The following ZNF185 variants were observed in gnomAD, a reference collection of about 807,000 sequenced individuals.
ZNF185 encodes the protein zinc finger protein 185.
ZNF185 carries 56 observed loss-of-function variants against 58.6 expected under a neutral mutation model. The ratio of observed to expected loss-of-function variants is 0.95; its 90% CI spans 0.77 to 1.19. The LOEUF is 1.19. Ranked by LOEUF, ZNF185 falls within the 50% of genes most tolerant of loss-of-function variation. The pLI, the probability that ZNF185 is intolerant of heterozygous loss-of-function variation, is 0.00. For missense variants in ZNF185, 627 were observed against 573.5 expected (o/e 1.09, Z -0.95); for synonymous variants, 230 against 215.9 (o/e 1.07, Z -0.57).
At chrX:152,918,440 C>T (rs782463958) in intron 6 of ZNF185, among the ~76,000 whole-genome samples, 7 of 113,064 alleles carry the variant, frequency 6.2e-5, no homozygotes, top group Admixed American at 5.6e-4. Flanking sequence ...GGTCATGGGT[C>T]GTGAGGCTGC....
At chrX:152,932,888 G>T in exon 14 of ZNF185, 1 of 1,204,200 alleles carries the variant, frequency 8.3e-7, no homozygotes, top group Admixed American at 2.2e-5. Flanking sequence ...GTGCACAGTT[G>T]AGTGATGGCA....
intron 17 of ZNF185, among the ~76,000 whole-genome samples, chrX:152,960,978 TG>T (rs1406296250): frequency 1.8e-5 from 2 of 112,541 alleles, no homozygotes; most frequent in Non-Finnish European, 3.8e-5. Flanking sequence ...GCTCTTGCAC[TG>T]GCAGGACATG....
At chrX:152,953,594 G>A (rs371407841) in intron 16 of ZNF185, among the ~76,000 whole-genome samples, 78 of 111,417 alleles carry the variant, frequency 7.0e-4, no homozygotes, top group African/African-American at 2.5e-3. Flanking sequence ...CTACCTGGGA[G>A]GCTGAAGTAG....
chrX:152,909,061 C>T, the ZNF185 span, among the ~76,000 whole-genome samples: 14,341 of 112,537 alleles, frequency 0.13, 751 homozygotes, highest in African/African-American at 0.2. Flanking sequence ...TTGCTGGGAC[C>T]TGGGTGCAGC....
chrX:152,913,544 G>A (rs1937672814), upstream of ZNF185, among the ~76,000 whole-genome samples: 2 of 112,790 alleles, frequency 1.8e-5, no homozygotes, highest in Admixed American at 9.3e-5. Flanking sequence ...AGAAGACACA[G>A]AGGAAGAGGA....
intron 2 of ZNF185, 146 bp from the exon 4 acceptor site, chrX:152,914,992 G>C: frequency 1.0e-6 from 1 of 986,883 alleles, no homozygotes; most frequent in Non-Finnish European, 1.4e-6. Flanking sequence ...CAATGTCACA[G>C]GGTGGGAGAG....
intron 16 of ZNF185, among the ~76,000 whole-genome samples, chrX:152,959,026 C>A (rs558996655): frequency 3.1e-4 from 35 of 112,565 alleles, no homozygotes; most frequent in African/African-American, 1.1e-3. Context: ...CGAGATCGAC[C>A]GTGGAGAGGC....
intron 17 of ZNF185, among the ~76,000 whole-genome samples, chrX:152,962,910 G>A (rs1254417030): frequency 8.8e-6 from 1 of 113,028 alleles, no homozygotes; most frequent in African/African-American, 3.2e-5. Flanking sequence ...TGTAATCTTA[G>A]GCATTGGATT....
chrX:152,931,705 C>T (rs1942013356), exon 13 of ZNF185: 1 of 1,210,783 alleles, frequency 8.3e-7, no homozygotes, highest in East Asian at 3.0e-5. Context: ...AGGAGGCCCC[C>T]TGCTCCAGAG....
intron 3 of ZNF185, 22 bp from the exon 5 acceptor site, chrX:152,917,109 C>T: frequency 8.3e-7 from 1 of 1,211,532 alleles, no homozygotes; most frequent in Non-Finnish European, 1.1e-6. Flanking sequence ...CGCTTCACTC[C>T]ACCCCTTCTT....
intron 15 of ZNF185, among the ~76,000 whole-genome samples, chrX:152,943,713 C>A (rs1364381259): frequency 8.8e-6 from 1 of 113,006 alleles, no homozygotes; most frequent in East Asian, 2.8e-4. Context: ...GCCCAAATTT[C>A]TCTTTGTGGA....
intron 19 of ZNF185, 62 bp downstream of exon 21, chrX:152,965,589 C>G (rs2050026991): frequency 1.0e-6 from 1 of 970,983 alleles, no homozygotes; most frequent in Non-Finnish European, 1.4e-6. Context: ...ATATTCTCAT[C>G]CCTGCATTTC....
the ZNF185 span, among the ~76,000 whole-genome samples, chrX:152,904,402 C>T: frequency 8.9e-6 from 1 of 112,942 alleles, no homozygotes; most frequent in South Asian, 3.6e-4. Flanking sequence ...TGCTCCATCC[C>T]CTTCCCAGAG....
At chrX:152,935,296 T>C (rs1027954489) in intron 14 of ZNF185, among the ~76,000 whole-genome samples, 2 of 106,019 alleles carry the variant, frequency 1.9e-5, no homozygotes, top group African/African-American at 6.9e-5. Context: ...AGTGCACTGG[T>C]GCGATCTCGG....
At chrX:152,953,364 C>T (rs1556901763) in intron 16 of ZNF185, among the ~76,000 whole-genome samples, 1 of 111,716 alleles carries the variant, frequency 9.0e-6, no homozygotes, top group African/African-American at 3.3e-5. Flanking sequence ...ATCAAAGTAA[C>T]TGAATCACAG....
chrX:152,928,683 C>T (rs1941353400), intron 12 of ZNF185, 22 bp downstream of exon 13: 1 of 1,191,638 alleles, frequency 8.4e-7, no homozygotes, highest in Non-Finnish European at 1.1e-6. Context: ...CTGCTGCTGT[C>T]CTGGCTCCCT....
At chrX:152,933,635 T>C in intron 14 of ZNF185, among the ~76,000 whole-genome samples, 1 of 112,553 alleles carries the variant, frequency 8.9e-6, no homozygotes, top group Non-Finnish European at 1.9e-5. Context: ...AGGCTAGGTA[T>C]GCAGATGTTG....
the ZNF185 span, among the ~76,000 whole-genome samples, chrX:152,904,857 A>G: frequency 1.8e-5 from 2 of 112,030 alleles, no homozygotes; most frequent in African/African-American, 6.5e-5. Context: ...GGCTGCACTG[A>G]AGCCTACACC....
upstream of ZNF185, among the ~76,000 whole-genome samples, chrX:152,913,833 G>A (rs1569489093): frequency 8.9e-6 from 1 of 112,117 alleles, no homozygotes; most frequent in Non-Finnish European, 1.9e-5. Context: ...GAGCATCGGC[G>A]CATTCCATCC....
Sources: gnomAD v4.1 joint callset for allele counts (sites outside exome capture counted in the v4.1 genomes callset) on GRCh38, gnomAD v4.1.1 for gene constraint, MANE v1.5 for transcripts, NCBI Gene and HGNC (gene_info 2026-07-23, HGNC 2026-07-21) for gene names.